The following CFTR variants were observed in gnomAD, a reference collection of about 807,000 sequenced individuals.
The protein encoded by CFTR is CF transmembrane conductance regulator.
A neutral mutation model predicts 171.6 loss-of-function variants in CFTR; 181 were observed. The ratio of observed to expected loss-of-function variants is 1.05; its 90% CI spans 0.93 to 1.19. The LOEUF (loss-of-function observed/expected upper bound fraction) is 1.19. CFTR is among the 50% of genes most tolerant of loss of function. The pLI is 0.00. For missense variants in CFTR, 1,968 were observed against 1,734.7 expected (o/e 1.13, Z -2.39); for synonymous variants, 583 against 608.0 (o/e 0.96, Z 0.60).
chr7:117,498,574 C>T (rs561101824), intron 1 of CFTR, among the ~76,000 whole-genome samples: 1 of 152,092 alleles, frequency 6.6e-6, no homozygotes, highest in Non-Finnish European at 1.5e-5. Flanking sequence ...ATACATCTGA[C>T]TAAATAACTC....
intron 10 of CFTR, among the ~76,000 whole-genome samples, chr7:117,553,601 A>G (rs1799306227): frequency 6.6e-6 from 1 of 152,190 alleles, no homozygotes; most frequent in Non-Finnish European, 1.5e-5. Context: ...TTCTCATCTT[A>G]TAGGGAAAAT....
rs797045156 is a variant in CFTR at position 117,592,628 on chromosome 7, AGT to A, written c.2463_2464del (p.Ser821ArgfsTer4). On this transcript the variant is annotated frameshift_variant, in exon 14 of 27. Transcript: ENST00000003084. LOFTEE classifies it high-confidence loss of function. ...RLSQETGLEI[S>X]EEINEEDLKE... ...ATCTCAAGAAACTGGCTTGGAAATAAGTGAAGAAATTAACGAAGAAGACTTAA... is the reference window on the plus strand; with the variant it reads ...ATCTCAAGAAACTGGCTTGGAAATAAGAAGAAATTAACGAAGAAGACTTAA... 6.5e-7 allele frequency: 1 copy of A among 1,541,088 alleles called. No individual in the cohort carries two copies.
rs188934932 is a variant in CFTR, at chr7:117,544,727, C to T, written c.1209+2619C>T. 1.1e-4 allele frequency among the ~76,000 whole-genome samples: 17 copies of T among 152,334 alleles called. No homozygotes were observed. In the East Asian group the frequency reaches 2.1e-3, roughly 19 times the overall value. Reference sequence around the variant, plus strand: ...CAATTTCTTTCCTGACTTTCGCTCACGCAACCTCATGCCCAAAACCTTATC... The same window carrying T: ...CAATTTCTTTCCTGACTTTCGCTCATGCAACCTCATGCCCAAAACCTTATC... On this transcript the variant is annotated intron_variant, in intron 9 of 26. Transcript: ENST00000003084.
chr7:117,630,924 C>G (rs573816988), intron 22 of CFTR, among the ~76,000 whole-genome samples: 237 of 152,230 alleles, frequency 1.6e-3, no homozygotes, highest in Non-Finnish European at 2.8e-3. Context: ...CTGGTTCAGT[C>G]AGGTTGGGGG....
intron 21 of CFTR, among the ~76,000 whole-genome samples, chr7:117,618,264 G>A (rs566226864): frequency 8.5e-5 from 13 of 152,208 alleles, no homozygotes; most frequent in Admixed American, 4.6e-4. Context: ...CGAGGCAGGC[G>A]AATTACTTGA....
intron 23 of CFTR, chr7:117,647,559 A>T (rs1793012835): frequency 6.6e-6 from 1 of 151,958 alleles, no homozygotes; most frequent in East Asian, 1.9e-4. Flanking sequence ...ACCGTTCATG[A>T]GAAATCCACC....
intron 15 of CFTR, among the ~76,000 whole-genome samples, chr7:117,598,027 A>G (rs901043319): frequency 2.6e-5 from 4 of 152,178 alleles, no homozygotes; most frequent in Admixed American, 6.5e-5. Flanking sequence ...TCAGTTATCT[A>G]TAGAAGGCAG....
At chr7:117,595,984 C>T (rs1299389004) in intron 15 of CFTR, among the ~76,000 whole-genome samples, 1 of 152,238 alleles carries the variant, frequency 6.6e-6, no homozygotes, top group African/African-American at 2.4e-5. Context: ...TGACAGCATG[C>T]TGGCAGTCCT....
At position 117,667,357 on chromosome 7, in the gene CFTR, C is replaced by G; in HGVS notation, c.*249C>G. The stretch of plus-strand genomic sequence containing the variant: ...ACTTCAAATCCTTGAAGATTTACCA[C>G]TTGTGTTTTGCAAGCCAGATTTTCC... On this transcript the variant is annotated 3_prime_UTR_variant, in exon 27 of 27. Transcript: ENST00000003084. 2 of 466,802 alleles carry G rather than the reference C, an allele frequency of 4.3e-6. No individual in the cohort carries two copies. The highest frequency in any genetic ancestry group is 4.2e-5 in the South Asian group (2 of 48,108). 28.9% of individuals were successfully genotyped at this position (466,802 alleles called of 1,614,324 possible). A position where few individuals can be genotyped will look rare whatever the true frequency, so the allele number is the denominator to read the frequency against.
Position 117,621,234 on chromosome 7 carries a change from T to G in CFTR, c.3469-6288T>G, listed in dbSNP as rs146831215. On this transcript the variant is annotated intron_variant, in intron 21 of 26. Transcript: ENST00000003084. ...TAATTTTAAAAGTGCTCCAGGTGAT[T>G]CTAGCGTGTATCAAGCAAGACTTGT... Among the ~76,000 whole-genome samples the G allele has an allele frequency of 1.9e-3, 289 of 152,286 alleles. 2 individuals carry two copies. The highest frequency in any genetic ancestry group is 6.9e-3 in the African/African-American group (285 of 41,568).
Position 117,552,411 on chromosome 7 carries a change from A to T in CFTR, c.1392+3588A>T, listed in dbSNP as rs35533040. Among the ~76,000 whole-genome samples the T allele has an allele frequency of 2.0e-4, 30 of 152,280 alleles. No homozygotes were observed. In the East Asian group the frequency reaches 5.8e-3, roughly 29 times the overall value. Reference sequence around the variant, plus strand: ...GTTTAATTTTGTACAAAGGAATTTTATATAGAAATGAGGTAATTCAGATTT... The same window carrying T: ...GTTTAATTTTGTACAAAGGAATTTTTTATAGAAATGAGGTAATTCAGATTT... On this transcript the variant is annotated intron_variant, in intron 10 of 26. Coordinates refer to ENST00000003084, the MANE Select transcript of CFTR (RefSeq NM_000492.4).
Position 117,559,543 on chromosome 7 carries a change from G to C in CFTR, c.1472G>C (p.Cys491Ser). ...KIKHSGRISF[C>S]SQFSWIMPGT... ...AAGCACAGTGGAAGAATTTCATTCT[G>C]TTCTCAGTTTTCCTGGATTATGCCT... Residue 491 changes from cysteine to serine, a missense_variant, in exon 11 of 27, where the codon TGT becomes TCT. Coordinates refer to ENST00000003084, the MANE Select transcript of CFTR (RefSeq NM_000492.4). 8 of 1,611,894 alleles carry C rather than the reference G, an allele frequency of 5.0e-6. No individual in the cohort carries two copies. Among genetic ancestry groups the C allele is most frequent in the Non-Finnish European group, 6.8e-6 (8 of 1,178,226 alleles).
At chr7:117,485,975 C>T (rs1798067823) in intron 1 of CFTR, among the ~76,000 whole-genome samples, 1 of 152,076 alleles carries the variant, frequency 6.6e-6, no homozygotes, top group African/African-American at 2.4e-5. Flanking sequence ...CGATGACATT[C>T]AACAGTCCTG....
In CFTR at chr7:117,526,131, T is replaced by C. The variant is rs558471340; in HGVS notation, c.274-4768T>C. ...TGTCTATAAAGTATTTTATTTCTCC[T>C]TCACTTATGAAGCTTAGTTTGGCTG... is the stretch of plus-strand genomic sequence containing the variant. On this transcript the variant is annotated intron_variant, in intron 3 of 26. Transcript: ENST00000003084. Among the ~76,000 whole-genome samples, 32 of 152,126 alleles carry C rather than the reference T, an allele frequency of 2.1e-4. 1 individual carries two copies. The East Asian group carries it at 5.6e-3, about 27-fold the overall frequency.
At chr7:117,496,731 A>G (rs981354983) in intron 1 of CFTR, among the ~76,000 whole-genome samples, 1 of 152,128 alleles carries the variant, frequency 6.6e-6, no homozygotes, top group Non-Finnish European at 1.5e-5. Context: ...TTTATGTTTA[A>G]TATTTTGAGG....
chr7:117,550,748 TA>T (rs1460936847), intron 10 of CFTR, among the ~76,000 whole-genome samples: 2 of 152,220 alleles, frequency 1.3e-5, no homozygotes, highest in Non-Finnish European at 1.5e-5. Flanking sequence ...GCAGTTTTAT[TA>T]AAATTGATGA....
At chr7:117,574,878 T>G (rs188188808) in intron 11 of CFTR, among the ~76,000 whole-genome samples, 2 of 152,230 alleles carry the variant, frequency 1.3e-5, no homozygotes, top group East Asian at 3.9e-4. Context: ...TAATTTGCCT[T>G]CTTGGCTACG....
chr7:117,524,826 T>A (rs1204453755), intron 3 of CFTR, among the ~76,000 whole-genome samples: 1 of 152,126 alleles, frequency 6.6e-6, no homozygotes, highest in South Asian at 2.1e-4. Flanking sequence ...AATAAATGAG[T>A]TGGTTATACA....
chr7:117,499,994 T>G (rs2116629117), intron 1 of CFTR, among the ~76,000 whole-genome samples: 1 of 152,240 alleles, frequency 6.6e-6, no homozygotes, highest in South Asian at 2.1e-4. Flanking sequence ...AGAGCCGAGT[T>G]TATTGCTTTT....
Sources: allele counts gnomAD v4.1 joint callset (sites outside exome capture counted in the v4.1 genomes callset), GRCh38; gene constraint gnomAD v4.1.1; transcripts MANE v1.5; gene names NCBI Gene and HGNC (gene_info 2026-07-23, HGNC 2026-07-21).